Variants in BACE2 observed in about 807,000 individuals in gnomAD.
BACE2 encodes the protein beta-secretase 2, also known as 56 kDa aspartic-like protease.
In BACE2, 17 loss-of-function variants were observed where a neutral mutation model predicts 46.2. That is an observed-to-expected ratio of 0.37 (90% CI 0.25 to 0.55). The LOEUF is 0.55. BACE2 is among the 20% of genes least tolerant of loss of function. The pLI, the probability that BACE2 is intolerant of heterozygous loss-of-function variation, is 0.82. For missense variants in BACE2, 595 were observed against 698.1 expected, an observed-to-expected ratio of 0.85 and a Z score of 1.66; for synonymous variants, 277 against 295.9, an observed-to-expected ratio of 0.94 and a Z score of 0.66.
rs2088554555 is a variant in BACE2 at position 41,282,153 on chromosome 21, T to C, written c.*6529T>C. 6.6e-6 allele frequency: 1 copy of C among 152,252 alleles called. No individual in the cohort carries two copies. The allele number at this position is 152,252 out of a possible 1,614,324, so 9.4% of individuals were successfully genotyped here. On this transcript the variant is annotated 3_prime_UTR_variant, in exon 9 of 9. Coordinates refer to ENST00000330333, the MANE Select transcript of BACE2 (RefSeq NM_012105.5). ...TGTATCCTCAAACAGATGCAAAAAG[T>C]AGTGCTTTGCAAAACGTTTGTTTTC...
At chr21:41,253,477 T>C (rs750157036) in intron 7 of BACE2, among the ~76,000 whole-genome samples, 45 of 151,828 alleles carry the variant, frequency 3.0e-4, no homozygotes, top group Non-Finnish European at 5.3e-4. Flanking sequence ...CTCTTGATGA[T>C]TACATTTTGG....
At position 41,183,409 on chromosome 21, in the gene BACE2, T is replaced by C. The variant is rs1472615735; in HGVS notation, c.312+14834T>C. ...ACGCTAGATGTAACACACATCACAA[T>C]ACATGTACATATACCCAAAAACATA... On this transcript the variant is annotated intron_variant, in intron 1 of 8. Transcript: ENST00000330333. The C allele has an allele frequency of 2.4e-5, 4 of 167,184 alleles. No individual in the cohort carries two copies. In the South Asian group the frequency reaches 8.3e-4, roughly 35 times the overall value. The allele number at this position is 167,184 out of a possible 1,614,324, so 10.4% of individuals were successfully genotyped here.
chr21:41,244,891 GTA>G (rs1180385792), intron 5 of BACE2, among the ~76,000 whole-genome samples: 21 of 151,612 alleles, frequency 1.4e-4, no homozygotes, highest in African/African-American at 4.9e-4. Flanking sequence ...GAGTGTGTGT[GTA>G]TGTGTGTGTG....
intron 6 of BACE2, among the ~76,000 whole-genome samples, chr21:41,247,887 C>A (rs1261523115): frequency 2.0e-5 from 3 of 152,182 alleles, no homozygotes; most frequent in Non-Finnish European, 4.4e-5. Context: ...GTCTCTGGAC[C>A]AAAGCTGTGT....
intron 4 of BACE2, among the ~76,000 whole-genome samples, chr21:41,242,859 C>G (rs1323992404): frequency 6.6e-6 from 1 of 152,016 alleles, no homozygotes; most frequent in African/African-American, 2.4e-5. Context: ...TACCATCTGA[C>G]CTTTGCAGAC....
chr21:41,227,527 A>G (rs1986855448), intron 2 of BACE2, among the ~76,000 whole-genome samples: 1 of 152,326 alleles, frequency 6.6e-6, no homozygotes, highest in South Asian at 2.1e-4. Flanking sequence ...CTGTATATCT[A>G]TGCTACCTAC....
intron 1 of BACE2, among the ~76,000 whole-genome samples, chr21:41,194,507 A>G (rs561369901): frequency 6.6e-6 from 1 of 152,310 alleles, no homozygotes; most frequent in African/African-American, 2.4e-5. Flanking sequence ...GGGGGACTTT[A>G]GGGAAAGCTT....
chr21:41,235,777 G>A (rs1987100058), intron 2 of BACE2, among the ~76,000 whole-genome samples: 1 of 152,244 alleles, frequency 6.6e-6, no homozygotes, highest in African/African-American at 2.4e-5. Flanking sequence ...AGGAGTTCAA[G>A]CTACTGTGAG....
chr21:41,259,898 TCAG>T (rs1259117626), intron 8 of BACE2, among the ~76,000 whole-genome samples: 1 of 152,048 alleles, frequency 6.6e-6, no homozygotes, highest in African/African-American at 2.4e-5. Context: ...AGTGGCATGA[TCAG>T]GGCTCACTTT....
At chr21:41,198,754 C>G (rs932338107) in intron 1 of BACE2, among the ~76,000 whole-genome samples, 2 of 152,064 alleles carry the variant, frequency 1.3e-5, no homozygotes, top group African/African-American at 4.8e-5. Flanking sequence ...AGTATGAGTA[C>G]TGCTAGCAAA....
intron 8 of BACE2, among the ~76,000 whole-genome samples, chr21:41,267,298 G>A (rs572365608): frequency 7.9e-5 from 12 of 152,282 alleles, no homozygotes; most frequent in African/African-American, 2.2e-4. Context: ...TCGGGCCAGC[G>A]TCTCATATCT....
intron 7 of BACE2, among the ~76,000 whole-genome samples, chr21:41,255,388 C>T (rs752126447): frequency 9.9e-5 from 15 of 152,098 alleles, no homozygotes; most frequent in Non-Finnish European, 1.9e-4. Context: ...GAGAGTGCTC[C>T]GATGCTTGCA....
intron 8 of BACE2, among the ~76,000 whole-genome samples, chr21:41,263,880 G>A (rs1988001262): frequency 6.6e-6 from 1 of 152,208 alleles, no homozygotes; most frequent in African/African-American, 2.4e-5. Flanking sequence ...GACAACTCAT[G>A]ACTTTTGTCA....
chr21:41,178,742 A>G (rs1296954036), intron 1 of BACE2: 1 of 185,024 alleles, frequency 5.4e-6, no homozygotes, highest in East Asian at 1.5e-4. Context: ...GCCTCAAAAC[A>G]TATTAAGCAC....
chr21:41,227,387 G>A (rs779364951), intron 2 of BACE2, among the ~76,000 whole-genome samples: 4 of 152,190 alleles, frequency 2.6e-5, no homozygotes, highest in South Asian at 4.1e-4. Flanking sequence ...GTTTTGTTCC[G>A]GGAAATAAAG....
intron 1 of BACE2, among the ~76,000 whole-genome samples, chr21:41,207,144 A>G (rs748034180): frequency 5.9e-5 from 9 of 152,240 alleles, no homozygotes; most frequent in Non-Finnish European, 8.8e-5. Context: ...TCTTTAGAAA[A>G]TGTGCAGGAA....
intron 2 of BACE2, among the ~76,000 whole-genome samples, chr21:41,229,741 G>A (rs1003504146): frequency 2.0e-5 from 3 of 152,184 alleles, no homozygotes; most frequent in Admixed American, 6.5e-5. Flanking sequence ...TTACTTACCT[G>A]CTAGCCCTGT....
At chr21:41,223,857 G>A (rs1986728051) in intron 1 of BACE2, among the ~76,000 whole-genome samples, 1 of 152,192 alleles carries the variant, frequency 6.6e-6, no homozygotes, top group African/African-American at 2.4e-5. Context: ...TCGTCAACAT[G>A]CGGATGGCAT....
intron 7 of BACE2, among the ~76,000 whole-genome samples, chr21:41,251,137 C>T (rs1337830016): frequency 6.6e-6 from 1 of 152,156 alleles, no homozygotes; most frequent in African/African-American, 2.4e-5. Flanking sequence ...TTGGCCTCCA[C>T]CCAGGCTGGT....
Sources: gnomAD v4.1 joint callset for allele counts (sites outside exome capture counted in the v4.1 genomes callset) on GRCh38, gnomAD v4.1.1 for gene constraint, MANE v1.5 for transcripts, NCBI Gene and HGNC (gene_info 2026-07-23, HGNC 2026-07-21) for gene names.